Variants in ABCD3 observed in about 807,000 individuals in gnomAD.
ABCD3 encodes ATP-binding cassette sub-family D member 3.
A neutral mutation model predicts 105.5 loss-of-function variants in ABCD3; 41 were observed. The observed-to-expected ratio is 0.39, with a 90% CI of 0.30 to 0.50. The LOEUF is 0.50. Among genes scored for constraint, ABCD3 ranks in the 20% least tolerant of loss-of-function variants. The pLI, the probability that ABCD3 is intolerant of heterozygous loss-of-function variation, is 0.84. For synonymous variants in ABCD3, 258 were observed against 269.0 expected (o/e 0.96, Z 0.40); for missense variants, 622 against 806.3 (o/e 0.77, Z 2.77).
intron 7 of ABCD3, among the ~76,000 whole-genome samples, chr1:94,477,405 A>G (rs569135164): frequency 2.0e-4 from 31 of 152,090 alleles, no homozygotes; most frequent in African/African-American, 7.5e-4. Flanking sequence ...AGGTGGGCAG[A>G]TCGCTTGAGC....
intron 6 of ABCD3, 68 bp downstream of exon 6, chr1:94,475,308 T>C (rs1648685239): frequency 9.2e-7 from 1 of 1,091,026 alleles, no homozygotes. Flanking sequence ...CTGATCAATA[T>C]AGCAGTTTTT....
rs1648055009 is a variant in ABCD3 at position 94,464,767 on chromosome 1, T to A, written c.148-8T>A. 4 of 1,609,680 alleles carry A rather than the reference T, an allele frequency of 2.5e-6. No homozygotes were observed. In the African/African-American group the frequency reaches 5.3e-5, roughly 22 times the overall value. The stretch of plus-strand genomic sequence containing the variant: ...CTATCTTAAAAGGGCTTCTTTTTTT[T>A]AATGCAGAAAGAGGGGAAAAAGGAG... On this transcript the variant is annotated splice_region_variant and splice_polypyrimidine_tract_variant and intron_variant, in intron 2 of 22. Coordinates refer to ENST00000370214, the MANE Select transcript of ABCD3 (RefSeq NM_002858.4).
the ABCD3 span, among the ~76,000 whole-genome samples, chr1:94,399,992 T>C: frequency 6.6e-6 from 1 of 152,160 alleles, no homozygotes; most frequent in East Asian, 1.9e-4. Context: ...GGGAGGTTCC[T>C]GGGTGCCACT....
chr1:94,431,539 C>T (rs946558744), intron 1 of ABCD3, among the ~76,000 whole-genome samples: 1 of 151,932 alleles, frequency 6.6e-6, no homozygotes, highest in Non-Finnish European at 1.5e-5. Flanking sequence ...ACAAACATTC[C>T]CTGATAATAT....
chr1:94,430,629 G>A (rs775370979), intron 1 of ABCD3, among the ~76,000 whole-genome samples: 2 of 152,178 alleles, frequency 1.3e-5, no homozygotes, highest in African/African-American at 2.4e-5. Flanking sequence ...CACCATGATT[G>A]TGAGGCCTCC....
At chr1:94,497,351 A>G (rs920016257) in intron 16 of ABCD3, among the ~76,000 whole-genome samples, 2 of 152,210 alleles carry the variant, frequency 1.3e-5, no homozygotes, top group East Asian at 1.9e-4. Context: ...AGAGCATTCA[A>G]TAAATATTCA....
At chr1:94,427,637 T>A (rs115618796) in intron 1 of ABCD3, among the ~76,000 whole-genome samples, 3,789 of 152,262 alleles carry the variant, frequency 0.025, 127 homozygotes, top group African/African-American at 0.067. Context: ...TTTTATCTGC[T>A]AAATTAAGTA....
At chr1:94,395,171 C>T in the ABCD3 span, among the ~76,000 whole-genome samples, 1 of 152,172 alleles carries the variant, frequency 6.6e-6, no homozygotes, top group Admixed American at 6.5e-5. Context: ...TCAATACTCC[C>T]CCTAGCAAGA....
chr1:94,465,897 T>C (rs1648110998), intron 3 of ABCD3, among the ~76,000 whole-genome samples: 1 of 152,192 alleles, frequency 6.6e-6, no homozygotes, highest in African/African-American at 2.4e-5. Context: ...CCTCTTCCCC[T>C]TGTCACCCTT....
intron 22 of ABCD3, 54 bp downstream of exon 22, chr1:94,515,256 T>C: frequency 2.9e-6 from 4 of 1,380,586 alleles, no homozygotes; most frequent in Non-Finnish European, 4.1e-6. Flanking sequence ...CTTTAAAATA[T>C]GAATTCAGGT....
In ABCD3 at chr1:94,487,757, G is replaced by T; in HGVS notation, c.1031G>T (p.Arg344Leu). ...SRPFLDLSHP[R>L]HLKSTHSELL... Reference sequence around the variant, plus strand: ...CCTTTCTTAGATTTGTCTCATCCTCGACATCTCAAGAGTACACATTCGGAA... The same window carrying T: ...CCTTTCTTAGATTTGTCTCATCCTCTACATCTCAAGAGTACACATTCGGAA... The change falls in exon 12 of 23, where the codon CGA (arginine) becomes CTA (leucine). Residue 344 changes from arginine (R) to leucine (L), a missense_variant. Transcript: ENST00000370214. The T allele has an allele frequency of 1.2e-6, 2 of 1,613,916 alleles. No individual in the cohort carries two copies. The highest frequency in any genetic ancestry group is 1.1e-5 in the South Asian group (1 of 91,076).
intron 10 of ABCD3, among the ~76,000 whole-genome samples, chr1:94,484,043 T>C (rs1428667857): frequency 6.6e-6 from 1 of 152,182 alleles, no homozygotes; most frequent in Non-Finnish European, 1.5e-5. Context: ...GAAAAAATGC[T>C]CATCATCGCT....
intron 8 of ABCD3, among the ~76,000 whole-genome samples, chr1:94,480,028 G>T (rs751641066): frequency 6.6e-6 from 1 of 151,942 alleles, no homozygotes; most frequent in Non-Finnish European, 1.5e-5. Flanking sequence ...AAGAGTGATA[G>T]GACTAGAGGT....
intron 1 of ABCD3, among the ~76,000 whole-genome samples, chr1:94,427,380 A>G (rs578062190): frequency 1.3e-5 from 2 of 152,308 alleles, no homozygotes; most frequent in South Asian, 4.1e-4. Context: ...GTCCCTTTCA[A>G]AGAAAAGAAT....
In ABCD3 at chr1:94,475,665, A is replaced by G. The variant is rs4148049; in HGVS notation, c.555A>G (p.Pro185=). The change falls in exon 7 of 23, where the codon CCA becomes CCG. Residue 185 remains proline (P), a synonymous_variant. Coordinates refer to ENST00000370214, the MANE Select transcript of ABCD3 (RefSeq NM_002858.4). ...ATCTGGACAACAGAATAGCTAATCCAGACCAGCTGCTTACACAAGATGTAG... is the reference window on the plus strand; with the variant it reads ...ATCTGGACAACAGAATAGCTAATCCGGACCAGCTGCTTACACAAGATGTAG... The part of the protein sequence containing the change: ...MGNLDNRIAN[P]DQLLTQDVEK... 402 of 1,611,856 alleles carry G rather than the reference A, an allele frequency of 2.5e-4. No individual in the cohort carries two copies. In the East Asian group the frequency reaches 8.7e-3, roughly 35 times the overall value.
chr1:94,463,451 ATATT>A (rs1273559506), intron 2 of ABCD3, among the ~76,000 whole-genome samples: 2 of 152,192 alleles, frequency 1.3e-5, no homozygotes, highest in Admixed American at 6.6e-5. Context: ...ATCAAGTTAG[ATATT>A]TATTTAATCA....
chr1:94,423,366 G>GT (rs1055892230), intron 1 of ABCD3, among the ~76,000 whole-genome samples: 1 of 152,188 alleles, frequency 6.6e-6, no homozygotes, highest in African/African-American at 2.4e-5. Context: ...TATGGGGTGA[G>GT]TTTCCTGCTT....
intron 20 of ABCD3, among the ~76,000 whole-genome samples, chr1:94,506,300 T>A (rs1650345073): frequency 6.6e-6 from 1 of 152,182 alleles, no homozygotes; most frequent in Admixed American, 6.6e-5. Flanking sequence ...AAGGTTTGTG[T>A]TTTACTCTGA....
At chr1:94,426,048 A>G (rs1024017336) in intron 1 of ABCD3, among the ~76,000 whole-genome samples, 2 of 152,224 alleles carry the variant, frequency 1.3e-5, no homozygotes, top group African/African-American at 2.4e-5. Flanking sequence ...AATAAAAGGT[A>G]GCTCTCATTT....
Sources: gnomAD v4.1 joint callset for allele counts (sites outside exome capture counted in the v4.1 genomes callset) on GRCh38, gnomAD v4.1.1 for gene constraint, MANE v1.5 for transcripts, NCBI Gene and HGNC (gene_info 2026-07-23, HGNC 2026-07-21) for gene names.